CTNNA2: variants seen among roughly 807,000 people sequenced by gnomAD.
CTNNA2 encodes the protein catenin alpha 2.
In CTNNA2, 42 loss-of-function variants were observed where a neutral mutation model predicts 101.0. The observed-to-expected ratio is 0.42, with a 90% CI of 0.32 to 0.54. CTNNA2 has a LOEUF of 0.54. Ranked by LOEUF, CTNNA2 falls within the 20% of genes least tolerant of loss-of-function variation. The probability of loss-of-function intolerance (pLI) is 0.14; values close to 1 mark genes in which losing one functional copy is unlikely to be tolerated. For missense variants in CTNNA2, 871 were observed against 1,223.1 expected (o/e 0.71, Z 4.29); for synonymous variants, 450 against 456.4 (o/e 0.99, Z 0.18).
chr2:79,715,205 CA>C (rs140432724), intron 2 of CTNNA2, among the ~76,000 whole-genome samples: 623 of 66,308 alleles, frequency 9.4e-3, no homozygotes, highest in East Asian at 0.031. Flanking sequence ...AAAATTCCGT[CA>C]AAAAAAAAAA....
intron 7 of CTNNA2, among the ~76,000 whole-genome samples, chr2:80,198,125 G>A (rs1706954318): frequency 6.6e-6 from 1 of 152,134 alleles, no homozygotes; most frequent in Admixed American, 6.5e-5. Context: ...GAAAAAATCT[G>A]GGTAAAAACA....
At chr2:79,603,572 G>A (rs570683613) in intron 1 of CTNNA2, among the ~76,000 whole-genome samples, 54 of 152,138 alleles carry the variant, frequency 3.5e-4, no homozygotes, top group African/African-American at 1.2e-3. Context: ...ATTTAAAAAC[G>A]AGCCAAAGCT....
chr2:80,633,380 A>G (rs1270654734), intron 18 of CTNNA2, among the ~76,000 whole-genome samples: 4 of 152,166 alleles, frequency 2.6e-5, no homozygotes, highest in Non-Finnish European at 4.4e-5. Flanking sequence ...GTTCCCTGCA[A>G]TTTGACTAAT....
intron 9 of CTNNA2, among the ~76,000 whole-genome samples, chr2:80,424,868 G>A (rs1248283872): frequency 1.3e-5 from 2 of 152,132 alleles, no homozygotes; most frequent in Non-Finnish European, 2.9e-5. Context: ...GAAAAACTGG[G>A]GATGAAGCTC....
At chr2:79,422,215 T>C (rs1678547467) in intron 4 of CTNNA2, among the ~76,000 whole-genome samples, 1 of 152,176 alleles carries the variant, frequency 6.6e-6, no homozygotes, top group South Asian at 2.1e-4. Context: ...CATTCTATAT[T>C]TCTACCCAAT....
At chr2:79,941,347 C>A (rs558214527) in intron 7 of CTNNA2, among the ~76,000 whole-genome samples, 4 of 152,332 alleles carry the variant, frequency 2.6e-5, no homozygotes, top group Non-Finnish European at 2.9e-5. Flanking sequence ...TCTGGCCACT[C>A]CCTCTCTTAT....
chr2:79,622,317 TA>T (rs1353396670), intron 1 of CTNNA2, among the ~76,000 whole-genome samples: 1 of 152,192 alleles, frequency 6.6e-6, no homozygotes, highest in Non-Finnish European at 1.5e-5. Context: ...TTCTTCCTTT[TA>T]CATGGTGCTG....
chr2:79,205,106 G>T (rs958436880), intron 2 of CTNNA2, among the ~76,000 whole-genome samples: 1 of 152,202 alleles, frequency 6.6e-6, no homozygotes, highest in African/African-American at 2.4e-5. Flanking sequence ...GAATTATAAG[G>T]TGTTGGGTCA....
chr2:80,094,690 G>A (rs1573056026), intron 7 of CTNNA2, among the ~76,000 whole-genome samples: 1 of 152,200 alleles, frequency 6.6e-6, no homozygotes, highest in Non-Finnish European at 1.5e-5. Flanking sequence ...ATTGAGCAGT[G>A]GTTTGTAATT....
chr2:79,619,359 A>C (rs1281069701), intron 1 of CTNNA2, among the ~76,000 whole-genome samples: 1 of 152,236 alleles, frequency 6.6e-6, no homozygotes, highest in Non-Finnish European at 1.5e-5. Flanking sequence ...TATTAGCTCC[A>C]GCTGTCCAAG....
chr2:79,219,419 T>C (rs1041969942), intron 2 of CTNNA2, among the ~76,000 whole-genome samples: 4 of 152,214 alleles, frequency 2.6e-5, no homozygotes, highest in Non-Finnish European at 4.4e-5. Flanking sequence ...GAGTTCTTGA[T>C]ATGTGGCTGG....
rs146854694 is a variant in CTNNA2 at position 80,371,335 on chromosome 2, G to C, written c.1057-21876G>C. 3.5e-3 allele frequency among the ~76,000 whole-genome samples: 533 copies of C among 152,248 alleles called. 1 individual carries two copies. The highest frequency in any genetic ancestry group is 5.7e-3 in the Non-Finnish European group (388 of 68,014). On this transcript the variant is annotated intron_variant, in intron 7 of 18. Transcript: ENST00000402739. Reference sequence around the variant, plus strand: ...CTGATTTTAACATTTACCCATAGCAGTCATTATCAGCAAATATGTATCAGA... The same window carrying C: ...CTGATTTTAACATTTACCCATAGCACTCATTATCAGCAAATATGTATCAGA...
At chr2:80,506,651 T>G (rs755920664) in intron 9 of CTNNA2, among the ~76,000 whole-genome samples, 7 of 152,176 alleles carry the variant, frequency 4.6e-5, no homozygotes, top group Non-Finnish European at 1.0e-4. Context: ...TCTTAAATGC[T>G]GTGTGGAGGA....
At chr2:80,478,813 T>A (rs1685922469) in intron 9 of CTNNA2, among the ~76,000 whole-genome samples, 1 of 152,138 alleles carries the variant, frequency 6.6e-6, no homozygotes, top group African/African-American at 2.4e-5. Context: ...GGTGATACTG[T>A]GATGCTTCCA....
chr2:79,318,017 C>T (rs552307849), intron 3 of CTNNA2, among the ~76,000 whole-genome samples: 6 of 151,976 alleles, frequency 3.9e-5, no homozygotes, highest in Admixed American at 1.3e-4. Context: ...TCTTGGTCAC[C>T]TATCATGCTT....
At chr2:80,394,141 C>A (rs1000781961) in intron 8 of CTNNA2, among the ~76,000 whole-genome samples, 5 of 152,228 alleles carry the variant, frequency 3.3e-5, no homozygotes, top group African/African-American at 7.2e-5. Flanking sequence ...ACTGCCATGG[C>A]AGCACCTGCT....
At chr2:80,308,558 T>C (rs1168395856) in intron 7 of CTNNA2, among the ~76,000 whole-genome samples, 7 of 152,090 alleles carry the variant, frequency 4.6e-5, no homozygotes, top group African/African-American at 1.2e-4. Flanking sequence ...GCTCAAAAGG[T>C]GCATGGAGAG....
chr2:80,134,616 C>G (rs144900549), intron 7 of CTNNA2, among the ~76,000 whole-genome samples: 1 of 152,124 alleles, frequency 6.6e-6, no homozygotes, highest in Non-Finnish European at 1.5e-5. Context: ...TGGGTGCCTG[C>G]GCCATGCCAT....
rs189991986 is a variant in CTNNA2, at chr2:80,174,560, C to T, written c.1057-218651C>T. On this transcript the variant is annotated intron_variant, in intron 7 of 18. Coordinates refer to ENST00000402739, the MANE Select transcript of CTNNA2 (RefSeq NM_001282597.3). ...ATTACTCATGAACACATTCCTCTGA[C>T]CGGGTTGCTATTCTGAGTTCCTAAC... Among the ~76,000 whole-genome samples the T allele has an allele frequency of 4.2e-3, 642 of 152,288 alleles. 6 individuals are homozygous for T. Among genetic ancestry groups the T allele is most frequent in the African/African-American group, 0.015 (610 of 41,550 alleles).
Sources: gnomAD v4.1 joint callset for allele counts (sites outside exome capture counted in the v4.1 genomes callset) on GRCh38, gnomAD v4.1.1 for gene constraint, MANE v1.5 for transcripts, NCBI Gene and HGNC (gene_info 2026-07-23, HGNC 2026-07-21) for gene names.